The following NUP93 variants were observed in gnomAD, a reference collection of about 807,000 sequenced individuals.
NUP93 encodes the protein nuclear pore complex protein Nup93.
A neutral mutation model predicts 107.8 loss-of-function variants in NUP93; 55 were observed. The ratio of observed to expected loss-of-function variants is 0.51; its 90% confidence interval spans 0.41 to 0.64. The LOEUF (loss-of-function observed/expected upper bound fraction) is 0.64, where lower values mean the gene tolerates loss of function less well. NUP93 is among the 30% of genes least tolerant of loss of function. The probability of loss-of-function intolerance (pLI) is 0.00; values close to 1 mark genes in which losing one functional copy is unlikely to be tolerated. For missense variants in NUP93, 937 were observed against 1,044.7 expected (o/e 0.90, Z 1.42); for synonymous variants, 390 against 397.5 (o/e 0.98, Z 0.22).
intron 1 of NUP93, among the ~76,000 whole-genome samples, chr16:56,731,660 G>A (rs144407915): frequency 2.2e-3 from 330 of 152,100 alleles, no homozygotes; most frequent in Non-Finnish European, 4.0e-3. Context: ...CGCCCATTTC[G>A]GCCTCCCACA....
At chr16:56,750,317 A>G (rs1375441119) in intron 2 of NUP93, among the ~76,000 whole-genome samples, 1 of 152,212 alleles carries the variant, frequency 6.6e-6, no homozygotes, top group Non-Finnish European at 1.5e-5. Context: ...AGGCAGAGAC[A>G]TAAAGTGTGG....
At chr16:56,753,213 A>G (rs1337361900) in intron 2 of NUP93, among the ~76,000 whole-genome samples, 2 of 152,196 alleles carry the variant, frequency 1.3e-5, no homozygotes, top group African/African-American at 4.8e-5. Context: ...GGATACCACC[A>G]TTTTGCAACT....
rs1338582943 is a variant in NUP93, at chr16:56,833,511, C to T, written c.1537+105C>T. On this transcript the variant is annotated intron_variant, in intron 13 of 21. Transcript: ENST00000308159. The stretch of plus-strand genomic sequence containing the variant: ...CCAATAAGGATTTGAGCAAAGGGTA[C>T]CAGTCATTTTAGAGCATGTGGACAG... 6.6e-6 allele frequency: 6 copies of T among 911,402 alleles called. No individual in the cohort carries two copies. In the African/African-American group the frequency reaches 1.0e-4, roughly 16 times the overall value. The allele number at this position is 911,402 out of a possible 1,614,324, so 56.5% of individuals were successfully genotyped here.
At chr16:56,808,060 TATAA>T (rs1458969277) in intron 5 of NUP93, among the ~76,000 whole-genome samples, 1 of 140,140 alleles carries the variant, frequency 7.1e-6, no homozygotes, top group Non-Finnish European at 1.5e-5. Flanking sequence ...TAAAAATATA[TATAA>T]ATATATATAA....
At chr16:56,815,899 G>GGTGCTGCTGCTGCTGGTGC (rs1555495759) in intron 5 of NUP93, among the ~76,000 whole-genome samples, 1 of 95,982 alleles carries the variant, frequency 1.0e-5, no homozygotes, top group Admixed American at 1.1e-4. Context: ...GCTGCTGCTG[G>GGTGCTGCTGCTGCTGGTGC]TGCTGCTGCT....
At position 56,836,598 on chromosome 16, in the gene NUP93, C is replaced by T. The variant is rs1051495258; in HGVS notation, c.1783-3C>T. ...CCTCCCCCTCCATAATTTGTCTTGTCAGCCTGGAGTCATAGATAAGTTTAC... is the reference window on the plus strand; with the variant it reads ...CCTCCCCCTCCATAATTTGTCTTGTTAGCCTGGAGTCATAGATAAGTTTAC... On this transcript the variant is annotated splice_polypyrimidine_tract_variant and splice_region_variant and intron_variant, in intron 16 of 21. Coordinates refer to ENST00000308159, the MANE Select transcript of NUP93 (RefSeq NM_014669.5). The T allele has an allele frequency of 1.3e-6, 2 of 1,582,436 alleles. No homozygotes were observed. Among genetic ancestry groups the T allele is most frequent in the Non-Finnish European group, 8.7e-7 (1 of 1,152,248 alleles).
In NUP93 at chr16:56,833,204, C is replaced by T. The variant is rs1963831770; in HGVS notation, c.1346-11C>T. 1 of 1,591,800 alleles carries T rather than the reference C, an allele frequency of 6.3e-7. No homozygotes were observed. Among genetic ancestry groups the T allele is most frequent in the Non-Finnish European group, 8.5e-7 (1 of 1,172,486 alleles). ...AGTTGGTTTTATCTCCTCTCCTCTC[C>T]TCTCTCCCAGGCGAGTCCCACTTTA... On this transcript the variant is annotated splice_polypyrimidine_tract_variant and intron_variant, in intron 12 of 21. Transcript: ENST00000308159.
intron 10 of NUP93, 95 bp downstream of exon 10, chr16:56,830,780 A>G (rs1051565588): frequency 8.3e-7 from 1 of 1,207,084 alleles, no homozygotes; most frequent in Admixed American, 2.9e-5. Flanking sequence ...GACGGGCCCA[A>G]AACAAGTTTC....
chr16:56,811,268 C>T (rs942126583), intron 5 of NUP93, among the ~76,000 whole-genome samples: 2 of 152,200 alleles, frequency 1.3e-5, no homozygotes, highest in Non-Finnish European at 2.9e-5. Context: ...CCTTGCCACA[C>T]TTGATGTTTT....
At chr16:56,841,001 A>AG (rs1964014193) in intron 20 of NUP93, among the ~76,000 whole-genome samples, 1 of 152,110 alleles carries the variant, frequency 6.6e-6, no homozygotes, top group South Asian at 2.1e-4. Context: ...TGTCTCAAAA[A>AG]AAAAAAAAAA....
At chr16:56,818,351 G>A (rs943374596) in intron 5 of NUP93, among the ~76,000 whole-genome samples, 21 of 152,164 alleles carry the variant, frequency 1.4e-4, no homozygotes, top group African/African-American at 4.8e-4. Context: ...GGTAGAGAGG[G>A]GGCTTGAGAT....
chr16:56,849,818 A>T lies in NUP93; in HGVS notation c.*5209A>T, dbSNP rs538515976. 1.3e-5 allele frequency: 2 copies of T among 152,228 alleles called. No individual in the cohort carries two copies. Among genetic ancestry groups the T allele is most frequent in the South Asian group, 4.2e-4 (2 of 4,812 alleles). 9.4% of individuals were successfully genotyped at this position (152,228 alleles called of 1,614,324 possible). ...GGGAGCTCTCTAGTGGAATTGGATTACCCTGATTTTGTGCATTGTTTGTGC... is the reference window on the plus strand; with the variant it reads ...GGGAGCTCTCTAGTGGAATTGGATTTCCCTGATTTTGTGCATTGTTTGTGC... On this transcript the variant is annotated 3_prime_UTR_variant, in exon 22 of 22. Coordinates refer to ENST00000308159, the MANE Select transcript of NUP93 (RefSeq NM_014669.5).
chr16:56,759,762 A>T (rs1410172246), intron 3 of NUP93, among the ~76,000 whole-genome samples: 1 of 152,078 alleles, frequency 6.6e-6, no homozygotes, highest in African/African-American at 2.4e-5. Flanking sequence ...TACATGTAAC[A>T]GGGATGAATA....
chr16:56,817,415 C>T (rs1258167177), intron 5 of NUP93, among the ~76,000 whole-genome samples: 2 of 152,184 alleles, frequency 1.3e-5, no homozygotes, highest in Non-Finnish European at 2.9e-5. Flanking sequence ...GGAAGCTTGG[C>T]TGTTATCTTC....
intron 5 of NUP93, among the ~76,000 whole-genome samples, chr16:56,808,790 ATG>A (rs1225167219): frequency 4.1e-5 from 6 of 145,422 alleles, no homozygotes; most frequent in Non-Finnish European, 9.0e-5. Flanking sequence ...ATATATAAAT[ATG>A]TATATAAATA....
intron 19 of NUP93, 54 bp downstream of exon 19, chr16:56,839,123 T>G (rs777334786): frequency 4.2e-6 from 5 of 1,189,948 alleles, no homozygotes; most frequent in Non-Finnish European, 6.2e-6. Flanking sequence ...CCTCGAAAAT[T>G]CAAAACACTT....
At chr16:56,816,040 G>C (rs1963424810) in intron 5 of NUP93, among the ~76,000 whole-genome samples, 1 of 152,216 alleles carries the variant, frequency 6.6e-6, no homozygotes, top group Admixed American at 6.5e-5. Flanking sequence ...CAGTAGCAAA[G>C]AGTACAGAGT....
chr16:56,841,371 A>T (rs112041010), intron 20 of NUP93, among the ~76,000 whole-genome samples: 1 of 152,318 alleles, frequency 6.6e-6, no homozygotes, highest in African/African-American at 2.4e-5. Flanking sequence ...TTCAAGTTCA[A>T]ATTATTTAAT....
chr16:56,785,957 A>G (rs1303379866), intron 3 of NUP93, among the ~76,000 whole-genome samples: 5 of 152,056 alleles, frequency 3.3e-5, no homozygotes, highest in Non-Finnish European at 7.4e-5. Flanking sequence ...ATAAAAATTT[A>G]CTCCTTCCAA....
Sources: gnomAD v4.1 joint callset for allele counts (sites outside exome capture counted in the v4.1 genomes callset) on GRCh38, gnomAD v4.1.1 for gene constraint, MANE v1.5 for transcripts, NCBI Gene and HGNC (gene_info 2026-07-23, HGNC 2026-07-21) for gene names.